PPP2R2B: variants seen among roughly 807,000 people sequenced by gnomAD.
PPP2R2B encodes the protein protein phosphatase 2 regulatory subunit Bbeta, also known as serine/threonine-protein phosphatase 2A 55 kDa regulatory subunit B beta isoform.
Under a neutral mutation model 46.0 loss-of-function variants are expected in PPP2R2B, and 5 were observed. The ratio of observed to expected loss-of-function variants is 0.11; its 90% CI spans 0.06 to 0.23. The LOEUF is 0.23. PPP2R2B is among the 10% of genes least tolerant of loss of function. PPP2R2B has a pLI of 1.00. For synonymous variants in PPP2R2B, 215 were observed against 206.7 expected (o/e 1.04, Z -0.34); for missense variants, 367 against 575.0 (o/e 0.64, Z 3.70).
chr5:146,778,943 A>T (rs960972332), intron 2 of PPP2R2B, among the ~76,000 whole-genome samples: 7 of 152,234 alleles, frequency 4.6e-5, no homozygotes, highest in African/African-American at 1.4e-4. Context: ...GTGTCTTCAG[A>T]ACAGCTGCCA....
intron 2 of PPP2R2B, among the ~76,000 whole-genome samples, chr5:146,727,394 T>A (rs556321627): frequency 2.0e-5 from 3 of 152,158 alleles, no homozygotes; most frequent in Non-Finnish European, 4.4e-5. Context: ...AATATACATT[T>A]ACATTGTGGA....
At chr5:146,732,994 T>A in intron 2 of PPP2R2B, among the ~76,000 whole-genome samples, 1 of 152,228 alleles carries the variant, frequency 6.6e-6, no homozygotes, top group East Asian at 1.9e-4. Context: ...CATAAATTAC[T>A]GATACACACT....
At chr5:146,970,130 G>T (rs1742940843) in intron 1 of PPP2R2B, among the ~76,000 whole-genome samples, 1 of 152,090 alleles carries the variant, frequency 6.6e-6, no homozygotes, top group South Asian at 2.1e-4. Flanking sequence ...CTATAATGTA[G>T]GTATACTTAT....
chr5:146,953,749 GTTA>G (rs1003877053), intron 1 of PPP2R2B, among the ~76,000 whole-genome samples: 12 of 152,112 alleles, frequency 7.9e-5, no homozygotes, highest in African/African-American at 2.4e-4. Flanking sequence ...CCATGAAGTA[GTTA>G]TTATTCCTAT....
At chr5:146,919,990 T>C (rs1412120821) in intron 1 of PPP2R2B, 1 of 152,176 alleles carries the variant, frequency 6.6e-6, no homozygotes, top group Non-Finnish European at 1.5e-5. Flanking sequence ...ATCTTAATCA[T>C]GAATTTGCTC....
intron 1 of PPP2R2B, among the ~76,000 whole-genome samples, chr5:146,962,650 TA>T (rs149324519): frequency 2.7e-4 from 40 of 145,802 alleles, no homozygotes; most frequent in South Asian, 1.5e-3. Flanking sequence ...ATAAAAATAA[TA>T]AAAAAAAAAC....
chr5:146,728,499 C>T (rs1055204698), intron 2 of PPP2R2B, among the ~76,000 whole-genome samples: 1 of 152,162 alleles, frequency 6.6e-6, no homozygotes, highest in Non-Finnish European at 1.5e-5. Context: ...GACTGCTGCA[C>T]TCCACATCCT....
chr5:146,598,851 C>G (rs1771492886), intron 8 of PPP2R2B, among the ~76,000 whole-genome samples: 1 of 152,136 alleles, frequency 6.6e-6, no homozygotes, highest in African/African-American at 2.4e-5. Flanking sequence ...AGTTTCTCCT[C>G]CCCAGCACAA....
chr5:146,875,768 G>A (rs761627410), intron 2 of PPP2R2B, among the ~76,000 whole-genome samples: 15 of 152,168 alleles, frequency 9.9e-5, no homozygotes, highest in Non-Finnish European at 1.6e-4. Flanking sequence ...AGTTAATAAG[G>A]GGGAAGAAAA....
intron 1 of PPP2R2B, among the ~76,000 whole-genome samples, chr5:147,027,516 C>T (rs1755580503): frequency 6.6e-6 from 1 of 151,870 alleles, no homozygotes; most frequent in East Asian, 2.0e-4. Flanking sequence ...GCCTGCAATC[C>T]CAGCTACTTT....
chr5:146,595,382 A>G (rs1771076746), intron 8 of PPP2R2B, among the ~76,000 whole-genome samples: 3 of 152,152 alleles, frequency 2.0e-5, no homozygotes. Flanking sequence ...ACCTTTCCTC[A>G]TCTGTCACCA....
At chr5:146,827,004 A>G (rs115523827) in intron 2 of PPP2R2B, among the ~76,000 whole-genome samples, 200 of 152,326 alleles carry the variant, frequency 1.3e-3, no homozygotes, top group African/African-American at 4.6e-3. Flanking sequence ...TATTTGAACT[A>G]AAGTTAGCAC....
At chr5:146,915,239 T>A (rs1347665675) in intron 1 of PPP2R2B, among the ~76,000 whole-genome samples, 2 of 152,160 alleles carry the variant, frequency 1.3e-5, no homozygotes. Context: ...AAAAAATTTT[T>A]AAAATAAATG....
intron 1 of PPP2R2B, among the ~76,000 whole-genome samples, chr5:146,914,689 T>G (rs542484572): frequency 6.6e-6 from 1 of 152,312 alleles, no homozygotes; most frequent in South Asian, 2.1e-4. Flanking sequence ...ATGGGGACAC[T>G]GGCAAAGAAT....
intron 1 of PPP2R2B, among the ~76,000 whole-genome samples, chr5:146,990,134 A>G (rs150427892): frequency 3.6e-4 from 54 of 151,476 alleles, no homozygotes; most frequent in African/African-American, 1.3e-3. Flanking sequence ...AAGTATTAAT[A>G]TTGTTAAAAT....
intron 1 of PPP2R2B, among the ~76,000 whole-genome samples, chr5:146,981,994 G>A (rs1753199929): frequency 6.6e-6 from 1 of 152,110 alleles, no homozygotes; most frequent in Admixed American, 6.5e-5. Flanking sequence ...CTTATTTTTT[G>A]TTCCTACTTC....
rs192701412 is a variant in PPP2R2B, at chr5:147,021,304, T to C, written c.79+34361A>G. 4.7e-3 allele frequency among the ~76,000 whole-genome samples: 717 copies of C among 152,302 alleles called. 3 individuals carry two copies. The highest frequency in any genetic ancestry group is 9.3e-3 in the Non-Finnish European group (631 of 68,028). ...CCAAGGAAAACATGACAGTCTTACTTAGCTGAGGAGACAGAGATGATTTCA... is the reference window on the plus strand; with the variant it reads ...CCAAGGAAAACATGACAGTCTTACTCAGCTGAGGAGACAGAGATGATTTCA... On this transcript the variant is annotated intron_variant, in intron 1 of 8. Coordinates refer to the PPP2R2B transcript ENST00000336640.
intron 2 of PPP2R2B, among the ~76,000 whole-genome samples, chr5:146,727,386 T>C (rs1751942619): frequency 1.3e-5 from 2 of 152,144 alleles, no homozygotes; most frequent in South Asian, 4.1e-4. Context: ...GATATTTCAA[T>C]ATACATTTAC....
chr5:146,884,648 T>C (rs755802057), intron 1 of PPP2R2B, among the ~76,000 whole-genome samples: 4 of 152,216 alleles, frequency 2.6e-5, no homozygotes, highest in African/African-American at 4.8e-5. Context: ...AGAGTCTAGA[T>C]CTGAGAGCAT....
Sources: allele counts gnomAD v4.1 joint callset (sites outside exome capture counted in the v4.1 genomes callset), GRCh38; gene constraint gnomAD v4.1.1; transcripts MANE v1.5; gene names NCBI Gene and HGNC (gene_info 2026-07-23, HGNC 2026-07-21).